Variants in CFAP61 observed in about 807,000 individuals in gnomAD.
CFAP61 encodes cilia and flagella associated protein 61.
Under a neutral mutation model 135.6 loss-of-function variants are expected in CFAP61, and 107 were observed. The observed-to-expected ratio is 0.79, with a 90% CI of 0.67 to 0.93. The LOEUF (loss-of-function observed/expected upper bound fraction) is 0.93. Among genes scored for constraint, CFAP61 ranks in the 40% least tolerant of loss-of-function variants. The pLI is 0.00. For missense variants in CFAP61, 1,507 were observed against 1,556.2 expected, an observed-to-expected ratio of 0.97 and a Z score of 0.53; for synonymous variants, 575 against 578.5, an observed-to-expected ratio of 0.99 and a Z score of 0.09.
chr20:20,321,557 C>G (rs1234214871), intron 25 of CFAP61, among the ~76,000 whole-genome samples: 61 of 152,180 alleles, frequency 4.0e-4, no homozygotes, highest in Admixed American at 4.0e-3. Flanking sequence ...AGAGATAAGA[C>G]TAGGTTTTGG....
At chr20:20,148,640 G>A (rs1172787627) in intron 9 of CFAP61, among the ~76,000 whole-genome samples, 1 of 152,104 alleles carries the variant, frequency 6.6e-6, no homozygotes, top group East Asian at 1.9e-4. Flanking sequence ...TGTAACCTGA[G>A]ACTTTACTGA....
chr20:20,184,237 T>TA (rs950976989), intron 13 of CFAP61, among the ~76,000 whole-genome samples: 30 of 152,272 alleles, frequency 2.0e-4, no homozygotes, highest in South Asian at 8.3e-4. Flanking sequence ...TTATTATATG[T>TA]AAAAAAACAT....
At position 20,164,093 on chromosome 20, in the gene CFAP61, A is replaced by G. The variant is rs745644918; in HGVS notation, c.1070A>G (p.Tyr357Cys). ...LSDISTGYAQ[Y>C]HHVSSRSLAS... ...GACATCTCCACTGGATATGCACAGTATCACCATGTCAGCAGTAGGAGCTTG... is the reference window on the plus strand; with the variant it reads ...GACATCTCCACTGGATATGCACAGTGTCACCATGTCAGCAGTAGGAGCTTG... Residue 357 changes from tyrosine (Y) to cysteine (C), a missense_variant, in exon 11 of 27, where the codon TAT becomes TGT. Tyr to Cys is a radical substitution (Grantham distance 194, BLOSUM62 -2). Transcript: ENST00000245957. 14 of 1,614,070 alleles carry G rather than the reference A, an allele frequency of 8.7e-6. No homozygotes were observed. Among genetic ancestry groups the G allele is most frequent in the Non-Finnish European group, 1.1e-5 (13 of 1,179,968 alleles).
Position 20,322,756 on chromosome 20 carries a change from G to A in CFAP61, c.3423-19075G>A, listed in dbSNP as rs1311929782. 3 of 985,182 alleles carry A rather than the reference G, an allele frequency of 3.0e-6. No individual in the cohort carries two copies. The African/African-American group carries it at 5.2e-5, about 17-fold the overall frequency. 61.0% of individuals were successfully genotyped at this position (985,182 alleles called of 1,614,324 possible). On this transcript the variant is annotated intron_variant, in intron 25 of 26. Coordinates refer to ENST00000245957, the MANE Select transcript of CFAP61 (RefSeq NM_015585.4). ...CGAGAACAGAAGAGATCATTAGAGGGTCCTCGTGTTGCCTAGCAACCTGTG... is the reference window on the plus strand; with the variant it reads ...CGAGAACAGAAGAGATCATTAGAGGATCCTCGTGTTGCCTAGCAACCTGTG...
intron 19 of CFAP61, among the ~76,000 whole-genome samples, chr20:20,251,171 C>A (rs1264317158): frequency 1.3e-5 from 2 of 152,176 alleles, no homozygotes; most frequent in Non-Finnish European, 2.9e-5. Context: ...TGACCCCTGG[C>A]TTTGGGAATC....
intron 10 of CFAP61, among the ~76,000 whole-genome samples, chr20:20,162,195 C>G (rs1293187876): frequency 6.6e-6 from 1 of 152,160 alleles, no homozygotes; most frequent in Non-Finnish European, 1.5e-5. Context: ...CCTGCTGCCT[C>G]CCTCTTAGCA....
At chr20:20,275,295 T>C (rs1010445204) in intron 21 of CFAP61, among the ~76,000 whole-genome samples, 7 of 152,230 alleles carry the variant, frequency 4.6e-5, no homozygotes. Context: ...TTGTTTGACA[T>C]TGAGTTTTGA....
At chr20:20,105,749 A>C (rs1267850638) in intron 8 of CFAP61, among the ~76,000 whole-genome samples, 1 of 151,078 alleles carries the variant, frequency 6.6e-6, no homozygotes, top group Non-Finnish European at 1.5e-5. Flanking sequence ...CTCCTGCCTC[A>C]GCCTCCCGAG....
intron 25 of CFAP61, among the ~76,000 whole-genome samples, chr20:20,306,061 A>C (rs1252087671): frequency 6.6e-6 from 1 of 152,120 alleles, no homozygotes; most frequent in Non-Finnish European, 1.5e-5. Flanking sequence ...TCTGATGAAA[A>C]CTAGGGGTCT....
At chr20:20,357,268 A>G (rs1194669093) in intron 26 of CFAP61, among the ~76,000 whole-genome samples, 34 of 18,590 alleles carry the variant, frequency 1.8e-3, no homozygotes, top group East Asian at 0.015. Flanking sequence ...GAAGGGTGGT[A>G]GTCACACTGA....
At chr20:20,266,077 G>C (rs765466496) in intron 21 of CFAP61, among the ~76,000 whole-genome samples, 1 of 152,232 alleles carries the variant, frequency 6.6e-6, no homozygotes, top group Non-Finnish European at 1.5e-5. Flanking sequence ...GATCCAGTGT[G>C]AGAGGAGGCC....
chr20:20,061,297 G>C (rs2044776870), intron 2 of CFAP61, among the ~76,000 whole-genome samples: 1 of 152,068 alleles, frequency 6.6e-6, no homozygotes, highest in Non-Finnish European at 1.5e-5. Context: ...TAAAATTACA[G>C]AATAAGAAAA....
chr20:20,323,193 A>G, intron 25 of CFAP61: 1 of 985,438 alleles, frequency 1.0e-6, no homozygotes, highest in Non-Finnish European at 1.2e-6. Flanking sequence ...AGAGGGCCCC[A>G]TGGAATAAAC....
At chr20:20,164,740 G>T (rs935864751) in intron 11 of CFAP61, among the ~76,000 whole-genome samples, 2 of 152,138 alleles carry the variant, frequency 1.3e-5, no homozygotes, top group Non-Finnish European at 2.9e-5. Context: ...TCTTCACCCT[G>T]TGTGTTAGTC....
intron 13 of CFAP61, among the ~76,000 whole-genome samples, chr20:20,186,360 T>G (rs1181580191): frequency 2.0e-5 from 3 of 152,266 alleles, no homozygotes. Context: ...TACTTTATTT[T>G]CTTTTATGGC....
chr20:20,216,902 T>C (rs1380010934), intron 17 of CFAP61, among the ~76,000 whole-genome samples: 1 of 152,172 alleles, frequency 6.6e-6, no homozygotes, highest in South Asian at 2.1e-4. Flanking sequence ...TGACTGAAAT[T>C]AGCCTTGTGT....
rs1892182397 is a variant in CFAP61 at position 20,075,183 on chromosome 20, C to T, written c.372-6C>T. Reference sequence around the variant, plus strand: ...AACACTGCCCCACCCTCTCTTTCCTCACCAGAACCGTGTATAAGGCAGTGC... The same window carrying T: ...AACACTGCCCCACCCTCTCTTTCCTTACCAGAACCGTGTATAAGGCAGTGC... On this transcript the variant is annotated splice_region_variant and splice_polypyrimidine_tract_variant and intron_variant, in intron 4 of 26. Transcript: ENST00000245957. 6.2e-7 allele frequency: 1 copy of T among 1,613,820 alleles called. No homozygotes were observed. Among genetic ancestry groups the T allele is most frequent in the Non-Finnish European group, 8.5e-7 (1 of 1,179,828 alleles).
rs150440571 is a variant in CFAP61 at position 20,095,135 on chromosome 20, T to A, written c.700-3520T>A. 3.2e-3 allele frequency among the ~76,000 whole-genome samples: 485 copies of A among 152,336 alleles called. 1 individual carries two copies. The highest frequency in any genetic ancestry group is 0.011 in the African/African-American group (438 of 41,566). ...CTCCATGTTCTTGAGGGTTTTTTTT[T>A]AAATGTCTGGGTCTCTATACAGTAG... On this transcript the variant is annotated intron_variant, in intron 7 of 26. Coordinates refer to ENST00000245957, the MANE Select transcript of CFAP61 (RefSeq NM_015585.4).
At chr20:20,235,866 AG>A (rs1174170052) in intron 18 of CFAP61, among the ~76,000 whole-genome samples, 1 of 152,108 alleles carries the variant, frequency 6.6e-6, no homozygotes, top group Non-Finnish European at 1.5e-5. Context: ...GTTGCTGGGG[AG>A]TGGGAAGACC....
Sources: gnomAD v4.1 joint callset for allele counts (sites outside exome capture counted in the v4.1 genomes callset) on GRCh38, gnomAD v4.1.1 for gene constraint, MANE v1.5 for transcripts, NCBI Gene and HGNC (gene_info 2026-07-23, HGNC 2026-07-21) for gene names.